FOXI2: variants seen among roughly 807,000 people sequenced by gnomAD.
FOXI2 encodes the protein forkhead box I2, also known as forkhead box protein I2.
Under a neutral mutation model 14.3 loss-of-function variants are expected in FOXI2, and 17 were observed. That is an observed-to-expected ratio of 1.19 (90% CI 0.81 to 1.78). FOXI2 has a LOEUF of 1.78. FOXI2 is among the 40% of genes most tolerant of loss of function. The pLI is 0.00. For synonymous variants in FOXI2, 240 were observed against 218.8 expected (o/e 1.10, Z -0.85); for missense variants, 541 against 460.0 (o/e 1.18, Z -1.61).
At position 127,741,061 on chromosome 10, in the gene FOXI2, A is replaced by G. The variant is rs1028287997; in HGVS notation, c.*2096A>G. On this transcript the variant is annotated 3_prime_UTR_variant, in exon 2 of 2. Coordinates refer to ENST00000388920, the MANE Select transcript of FOXI2 (RefSeq NM_207426.3). Reference sequence around the variant, plus strand: ...TCTCTCTTGGGGGGACACTCCCCATAAGCAATACAATTAAAGAAGACCAGG... The same window carrying G: ...TCTCTCTTGGGGGGACACTCCCCATGAGCAATACAATTAAAGAAGACCAGG... 2.6e-5 allele frequency: 4 copies of G among 152,202 alleles called. No individual in the cohort carries two copies. Among genetic ancestry groups the G allele is most frequent in the African/African-American group, 9.6e-5 (4 of 41,458 alleles). The allele number at this position is 152,202 out of a possible 1,614,324, so 9.4% of individuals were successfully genotyped here. A position where few individuals can be genotyped will look rare whatever the true frequency, so the allele number is the denominator to read the frequency against.
Position 127,739,762 on chromosome 10 carries a change from G to C in FOXI2, c.*797G>C, listed in dbSNP as rs1464875288. On this transcript the variant is annotated 3_prime_UTR_variant, in exon 2 of 2. Transcript: ENST00000388920. ...ACCCAGGAGTTCCCCAAGGGTCCAG[G>C]TTTGTGCCACCCACACCCACACTCA... The C allele has an allele frequency of 6.8e-6, 1 of 147,658 alleles. No individual in the cohort carries two copies. The highest frequency in any genetic ancestry group is 2.5e-5 in the African/African-American group (1 of 39,428). The allele number at this position is 147,658 out of a possible 1,614,324, so 9.1% of individuals were successfully genotyped here.
rs1846492445 is a variant in FOXI2, at chr10:127,740,006, TCA to T, written c.*1045_*1046del. 1 of 82,770 alleles carries T rather than the reference TCA, an allele frequency of 1.2e-5. No homozygotes were observed. Among genetic ancestry groups the T allele is most frequent in the Non-Finnish European group, 2.3e-5 (1 of 44,344 alleles). 5.1% of individuals were successfully genotyped at this position (82,770 alleles called of 1,614,324 possible). ...ACCCACACTCACACCACACCCACAC[TCA>T]CACTGACACCCACACTCACACCCAC... is the stretch of plus-strand genomic sequence containing the variant. On this transcript the variant is annotated 3_prime_UTR_variant, in exon 2 of 2. Transcript: ENST00000388920.
rs988700469 is a variant in FOXI2, at chr10:127,737,702, G to A, written c.429G>A (p.Lys143=). Residue 143 remains lysine (K), a synonymous_variant, in exon 1 of 2, where the codon AAG becomes AAA. Transcript: ENST00000388920. ...AGNFPFYKRS[K]AGWQNSIRHN... ...ACTTCCCTTTCTACAAGCGCAGCAA[G>A]GCGGGCTGGCAGAACTCCATCCGCC... The A allele has an allele frequency of 6.2e-6, 10 of 1,607,468 alleles. No homozygotes were observed. Among genetic ancestry groups the A allele is most frequent in the Non-Finnish European group, 8.5e-6 (10 of 1,176,902 alleles).
At position 127,737,451 on chromosome 10, in the gene FOXI2, G is replaced by A; in HGVS notation, c.178G>A (p.Ala60Thr). 1 of 1,364,476 alleles carries A rather than the reference G, an allele frequency of 7.3e-7. No individual in the cohort carries two copies. The highest frequency in any genetic ancestry group is 9.4e-7 in the Non-Finnish European group (1 of 1,069,502). 84.5% of individuals were successfully genotyped at this position (1,364,476 alleles called of 1,614,324 possible). Residue 60 changes from alanine (A) to threonine (T), a missense_variant, in exon 1 of 2, where the codon GCG (alanine) becomes ACG (threonine). Transcript: ENST00000388920. ...GTCCTACGCTTCGGGTCCCGGGCCTGCGCCGCCCTACGCGGCCCCGAGCTA... is the reference window on the plus strand; with the variant it reads ...GTCCTACGCTTCGGGTCCCGGGCCTACGCCGCCCTACGCGGCCCCGAGCTA... ...PKSYASGPGP[A>T]PPYAAPSYGA... is the part of the protein sequence containing the mutation.
At position 127,739,095 on chromosome 10, in the gene FOXI2, G is replaced by T. The variant is rs1195161913; in HGVS notation, c.*130G>T. The T allele has an allele frequency of 1.4e-5, 12 of 828,774 alleles. No individual in the cohort carries two copies. In the East Asian group the frequency reaches 2.7e-4, roughly 19 times the overall value. The allele number at this position is 828,774 out of a possible 1,614,324, so 51.3% of individuals were successfully genotyped here. The stretch of plus-strand genomic sequence containing the variant: ...CCTGGGAGGAAGCGCAGAGCCGGGG[G>T]CGGCTCGGCCAGCAGGGAGCTGGGC... On this transcript the variant is annotated 3_prime_UTR_variant, in exon 2 of 2. Transcript: ENST00000388920.
rs1846482865 is a variant in FOXI2 at position 127,739,893 on chromosome 10, CCACACTCACACA to C, written c.*932_*943del. 1.5e-5 allele frequency: 1 copy of C among 67,798 alleles called. No individual in the cohort carries two copies. The highest frequency in any genetic ancestry group is 5.3e-5 in the African/African-American group (1 of 18,908). The allele number at this position is 67,798 out of a possible 1,614,324, so 4.2% of individuals were successfully genotyped here. ...CCCACACTCACACCCACACCCACAC[CCACACTCACACA>C]CACTCACACCCACACCCACACTCAC... On this transcript the variant is annotated 3_prime_UTR_variant, in exon 2 of 2. Coordinates refer to ENST00000388920, the MANE Select transcript of FOXI2 (RefSeq NM_207426.3).
In FOXI2 at chr10:127,737,678, C is replaced by T; in HGVS notation, c.405C>T (p.Asn135=). The T allele has an allele frequency of 6.2e-7, 1 of 1,600,032 alleles. No individual in the cohort carries two copies. Among genetic ancestry groups the T allele is most frequent in the Non-Finnish European group, 8.5e-7 (1 of 1,173,384 alleles). Residue 135 remains asparagine, a synonymous_variant, in exon 1 of 2, where the codon AAC becomes AAT. Coordinates refer to ENST00000388920, the MANE Select transcript of FOXI2 (RefSeq NM_207426.3). ...LSQIYQYVAG[N]FPFYKRSKAG... Reference sequence around the variant, plus strand: ...AGATCTACCAGTACGTGGCTGGTAACTTCCCTTTCTACAAGCGCAGCAAGG... The same window carrying T: ...AGATCTACCAGTACGTGGCTGGTAATTTCCCTTTCTACAAGCGCAGCAAGG...
Position 127,739,006 on chromosome 10 carries a change from T to G in FOXI2, c.*41T>G, listed in dbSNP as rs768334353. On this transcript the variant is annotated 3_prime_UTR_variant, in exon 2 of 2. Transcript: ENST00000388920. Reference sequence around the variant, plus strand: ...TAGCCGGGTGCGGGTCCAGAGGTGCTGAGCTCAGGCCTCCGGTTTCCCCTG... The same window carrying G: ...TAGCCGGGTGCGGGTCCAGAGGTGCGGAGCTCAGGCCTCCGGTTTCCCCTG... 1.3e-6 allele frequency: 2 copies of G among 1,533,426 alleles called. No homozygotes were observed. The highest frequency in any genetic ancestry group is 1.8e-5 in the Admixed American group (1 of 56,090). 95.0% of individuals were successfully genotyped at this position (1,533,426 alleles called of 1,614,324 possible).
Position 127,739,022 on chromosome 10 carries a change from G to T in FOXI2, c.*57G>T. 6.9e-7 allele frequency: 1 copy of T among 1,452,692 alleles called. No individual in the cohort carries two copies. The highest frequency in any genetic ancestry group is 9.3e-7 in the Non-Finnish European group (1 of 1,073,652). 90.0% of individuals were successfully genotyped at this position (1,452,692 alleles called of 1,614,324 possible). A position where few individuals can be genotyped will look rare whatever the true frequency, so the allele number is the denominator to read the frequency against. On this transcript the variant is annotated 3_prime_UTR_variant, in exon 2 of 2. Transcript: ENST00000388920. ...CAGAGGTGCTGAGCTCAGGCCTCCG[G>T]TTTCCCCTGGTGACAGCCCCACGTG...
chr10:127,740,788 G>C lies in FOXI2; in HGVS notation c.*1823G>C, dbSNP rs907122614. 6.6e-6 allele frequency: 1 copy of C among 152,338 alleles called. No individual in the cohort carries two copies. The highest frequency in any genetic ancestry group is 1.5e-5 in the Non-Finnish European group (1 of 68,224). 9.4% of individuals were successfully genotyped at this position (152,338 alleles called of 1,614,324 possible). ...TGACTCATCATGGCCCTGCTGAAGA[G>C]TGAGGTGTGTGTGTGTGTGTGCGTG... On this transcript the variant is annotated 3_prime_UTR_variant, in exon 2 of 2. Coordinates refer to ENST00000388920, the MANE Select transcript of FOXI2 (RefSeq NM_207426.3).
Position 127,738,674 on chromosome 10 carries a change from C to A in FOXI2, c.666C>A (p.Pro222=), listed in dbSNP as rs1224002940. ...VGGAEAPALE[P]PSAACLDLQA... ...GGGCCGAGGCGCCAGCGCTGGAGCCCCCGAGCGCGGCTTGCCTGGACCTGC... is the reference window on the plus strand; with the variant it reads ...GGGCCGAGGCGCCAGCGCTGGAGCCACCGAGCGCGGCTTGCCTGGACCTGC... The change falls in exon 2 of 2, where the codon CCC becomes CCA. Residue 222 remains proline, a synonymous_variant. Transcript: ENST00000388920. The A allele has an allele frequency of 6.3e-7, 1 of 1,595,696 alleles. No individual in the cohort carries two copies. Among genetic ancestry groups the A allele is most frequent in the South Asian group, 1.1e-5 (1 of 88,612 alleles).
rs1214302331 is a variant in FOXI2 at position 127,740,111 on chromosome 10, CA to C, written c.*1147del. 2 of 73,594 alleles carry C rather than the reference CA, an allele frequency of 2.7e-5. No individual in the cohort carries two copies. Among genetic ancestry groups the C allele is most frequent in the African/African-American group, 9.2e-5 (2 of 21,792 alleles). 4.6% of individuals were successfully genotyped at this position (73,594 alleles called of 1,614,324 possible). A position where few individuals can be genotyped will look rare whatever the true frequency, so the allele number is the denominator to read the frequency against. Reference sequence around the variant, plus strand: ...ACACTCACACTCACACCCACACTCACACCACACTCACACCCACACACACCCA... The same window carrying C: ...ACACTCACACTCACACCCACACTCACCCACACTCACACCCACACACACCCA... On this transcript the variant is annotated 3_prime_UTR_variant, in exon 2 of 2. Transcript: ENST00000388920.
In FOXI2 at chr10:127,739,021, G is replaced by A; in HGVS notation, c.*56G>A. 4.1e-6 allele frequency: 6 copies of A among 1,449,436 alleles called. No homozygotes were observed. Among genetic ancestry groups the A allele is most frequent in the South Asian group, 3.8e-5 (3 of 79,272 alleles). The allele number at this position is 1,449,436 out of a possible 1,614,324, so 89.8% of individuals were successfully genotyped here. ...CCAGAGGTGCTGAGCTCAGGCCTCC[G>A]GTTTCCCCTGGTGACAGCCCCACGT... On this transcript the variant is annotated 3_prime_UTR_variant, in exon 2 of 2. Coordinates refer to ENST00000388920, the MANE Select transcript of FOXI2 (RefSeq NM_207426.3).
rs992267282 is a variant in FOXI2 at position 127,737,185 on chromosome 10, G to T, written c.-89G>T. The T allele has an allele frequency of 4.4e-6, 6 of 1,354,950 alleles. No homozygotes were observed. Among genetic ancestry groups the T allele is most frequent in the Non-Finnish European group, 4.8e-6 (5 of 1,035,694 alleles). The allele number at this position is 1,354,950 out of a possible 1,614,324, so 83.9% of individuals were successfully genotyped here. ...GGCGGAGGGCTGGGCCGGGCTGGTC[G>T]CACCCGGGCGCTGCTGGCGGCCAAG... is the stretch of plus-strand genomic sequence containing the variant. On this transcript the variant is annotated 5_prime_UTR_variant, in exon 1 of 2. Transcript: ENST00000388920.
chr10:127,737,387 C>T lies in FOXI2; in HGVS notation c.114C>T (p.Gly38=). The change falls in exon 1 of 2, where the codon GGC becomes GGT. Residue 38 remains glycine (G), a synonymous_variant. Coordinates refer to ENST00000388920, the MANE Select transcript of FOXI2 (RefSeq NM_207426.3). ...EPGDLGAVGG[G]PLLWVNAPAL... ...GGGATCTGGGCGCGGTGGGCGGGGG[C>T]CCCCTCCTGTGGGTGAACGCGCCAG... is the stretch of plus-strand genomic sequence containing the variant. 7.2e-7 allele frequency: 1 copy of T among 1,394,282 alleles called. No individual in the cohort carries two copies. The highest frequency in any genetic ancestry group is 1.6e-5 in the South Asian group (1 of 62,224). The allele number at this position is 1,394,282 out of a possible 1,614,324, so 86.4% of individuals were successfully genotyped here.
At chr10:127,738,408 A>T in intron 1 of FOXI2, 112 bp from the exon 2 acceptor site, 1 of 795,744 alleles carries the variant, frequency 1.3e-6, no homozygotes, top group Non-Finnish European at 2.0e-6. Flanking sequence ...GAGGACTCAG[A>T]CCCTCTGTAA....
In FOXI2 at chr10:127,739,845, T is replaced by TCACACCCACACC. The variant is rs1564749092; in HGVS notation, c.*885_*886insCCACACCCACAC. On this transcript the variant is annotated 3_prime_UTR_variant, in exon 2 of 2. Coordinates refer to ENST00000388920, the MANE Select transcript of FOXI2 (RefSeq NM_207426.3). ...CCCACACCCACACCCACACTCACACTCACACTCACACCCACACTCACACCC... is the reference window on the plus strand; with the variant it reads ...CCCACACCCACACCCACACTCACACTCACACCCACACCCACACTCACACCCACACTCACACCC... 2.0e-4 allele frequency: 7 copies of TCACACCCACACC among 34,316 alleles called. 1 individual carries two copies. The East Asian group carries it at 8.0e-3, about 39-fold the overall frequency. 2.1% of individuals were successfully genotyped at this position (34,316 alleles called of 1,614,324 possible). A position where few individuals can be genotyped will look rare whatever the true frequency, so the allele number is the denominator to read the frequency against.
At position 127,740,503 on chromosome 10, in the gene FOXI2, A is replaced by T. The variant is rs1398019186; in HGVS notation, c.*1538A>T. The T allele has an allele frequency of 8.1e-6, 1 of 123,010 alleles. No individual in the cohort carries two copies. Among genetic ancestry groups the T allele is most frequent in the Non-Finnish European group, 1.6e-5 (1 of 62,210 alleles). The allele number at this position is 123,010 out of a possible 1,614,324, so 7.6% of individuals were successfully genotyped here. On this transcript the variant is annotated 3_prime_UTR_variant, in exon 2 of 2. Coordinates refer to ENST00000388920, the MANE Select transcript of FOXI2 (RefSeq NM_207426.3). ...TTGTGGCATCTGGGACTCCCTGGAG[A>T]TGGAGACGTTGGTGGGGGGGGGGTA...
chr10:127,738,493 T>G lies in FOXI2; in HGVS notation c.512-27T>G, dbSNP rs776554540. 3.4e-4 allele frequency: 540 copies of G among 1,578,386 alleles called. 1 individual carries two copies. Among genetic ancestry groups the G allele is most frequent in the Middle Eastern group, 1.3e-3 (8 of 5,976 alleles). ...ACGGCCCGTCAAAGCTCGAACCTTC[T>G]GAACTGGGCTGTTTCTTCTTCTGCA... On this transcript the variant is annotated intron_variant, in intron 1 of 1. Transcript: ENST00000388920.
Sources: gnomAD v4.1 joint callset for allele counts on GRCh38, gnomAD v4.1.1 for gene constraint, MANE v1.5 for transcripts, NCBI Gene and HGNC (gene_info 2026-07-23, HGNC 2026-07-21) for gene names.